The following EPB41 variants were observed in gnomAD, a reference collection of about 807,000 sequenced individuals.
The protein encoded by EPB41 is erythrocyte membrane protein band 4.1, also known as protein 4.1.
EPB41 carries 65 observed loss-of-function variants against 108.0 expected under a neutral mutation model. That is an observed-to-expected ratio of 0.60 (90% CI 0.49 to 0.74). The LOEUF (loss-of-function observed/expected upper bound fraction) is 0.74, where lower values mean the gene tolerates loss of function less well. EPB41 is among the 30% of genes least tolerant of loss of function. The pLI, the probability that EPB41 is intolerant of heterozygous loss-of-function variation, is 0.00. For synonymous variants in EPB41, 336 were observed against 358.9 expected (o/e 0.94, Z 0.72); for missense variants, 875 against 1,037.0 (o/e 0.84, Z 2.15).
At chr1:28,898,103 T>C (rs774964360) in intron 1 of EPB41, among the ~76,000 whole-genome samples, 2 of 152,090 alleles carry the variant, frequency 1.3e-5, no homozygotes, top group Admixed American at 6.5e-5. Flanking sequence ...ATGAGCACTG[T>C]CGTTGGTGTG....
chr1:29,115,559 G>C lies in EPB41; in HGVS notation c.2497-140G>C, dbSNP rs1235555417. ...GATAGGGTGGGTAAGGTAATTATCA[G>C]CTTGGCTTAGCCTAAAGCTGCCCTG... On this transcript the variant is annotated intron_variant, in intron 19 of 20. Transcript: ENST00000343067. The surrounding 1 kb of genome is among the most constrained non-coding windows in gnomAD (Gnocchi z 4.4). 4.2e-6 allele frequency: 3 copies of C among 721,458 alleles called. No individual in the cohort carries two copies. The highest frequency in any genetic ancestry group is 7.3e-6 in the Non-Finnish European group (3 of 410,128). The allele number at this position is 721,458 out of a possible 1,614,324, so 44.7% of individuals were successfully genotyped here.
intron 1 of EPB41, among the ~76,000 whole-genome samples, chr1:28,948,038 G>T (rs1328753775): frequency 6.6e-6 from 1 of 151,850 alleles, no homozygotes; most frequent in Admixed American, 6.6e-5. Flanking sequence ...CATACTTGTG[G>T]ACATTGTCTA....
At chr1:28,888,560 TCAGA>T (rs2089723442) in intron 1 of EPB41, among the ~76,000 whole-genome samples, 2 of 152,356 alleles carry the variant, frequency 1.3e-5, no homozygotes, top group South Asian at 4.1e-4. Context: ...CTCCGGGGTG[TCAGA>T]CAGACACTTC....
chr1:29,087,781 T>C (rs1168671270), intron 16 of EPB41, among the ~76,000 whole-genome samples: 2 of 152,190 alleles, frequency 1.3e-5, no homozygotes, highest in African/African-American at 4.8e-5. Context: ...TTTGCATAAA[T>C]AGTTTTTGAG....
At chr1:29,097,024 T>C (rs1312424571) in intron 16 of EPB41, 3 of 152,286 alleles carry the variant, frequency 2.0e-5, no homozygotes, top group African/African-American at 7.2e-5. Context: ...ATTTATGTAC[T>C]GCAGCCACAT....
chr1:29,079,974 C>T (rs1053759004), intron 16 of EPB41, among the ~76,000 whole-genome samples: 4 of 151,370 alleles, frequency 2.6e-5, no homozygotes, highest in Non-Finnish European at 5.9e-5. Context: ...CCAGCCTGGG[C>T]GACAAGAGCA....
intron 17 of EPB41, among the ~76,000 whole-genome samples, chr1:29,102,110 C>T (rs905551939): frequency 1.3e-5 from 2 of 152,172 alleles, no homozygotes; most frequent in Non-Finnish European, 2.9e-5. Flanking sequence ...ATTGTACACG[C>T]TATTAGCCAG....
At chr1:29,052,664 T>TA (rs1472314953) in intron 11 of EPB41, among the ~76,000 whole-genome samples, 3 of 152,236 alleles carry the variant, frequency 2.0e-5, no homozygotes, top group Non-Finnish European at 2.9e-5. Flanking sequence ...TCTTTTTTCT[T>TA]ACAATATATT....
intron 1 of EPB41, among the ~76,000 whole-genome samples, chr1:28,969,492 G>T (rs190115239): frequency 2.0e-5 from 3 of 152,052 alleles, no homozygotes; most frequent in Non-Finnish European, 2.9e-5. Flanking sequence ...TTAGCCGGGC[G>T]CAGTGGCTCA....
At chr1:28,925,370 T>C (rs1283208474) in intron 1 of EPB41, among the ~76,000 whole-genome samples, 3 of 152,116 alleles carry the variant, frequency 2.0e-5, no homozygotes, top group South Asian at 4.1e-4. Flanking sequence ...CTTGGCCTCC[T>C]AAAGTGTTGG....
At chr1:28,988,849 T>C (rs1055894046) in intron 2 of EPB41, among the ~76,000 whole-genome samples, 1 of 152,166 alleles carries the variant, frequency 6.6e-6, no homozygotes, top group African/African-American at 2.4e-5. Flanking sequence ...ACCATGCCTG[T>C]CCATTTACTG....
chr1:29,105,032 GT>G (rs374120040), intron 17 of EPB41, among the ~76,000 whole-genome samples: 2 of 151,802 alleles, frequency 1.3e-5, no homozygotes, highest in African/African-American at 4.8e-5. Context: ...AATTTGATTG[GT>G]TTTGACAAAT....
At chr1:28,900,882 A>T (rs1413803429) in intron 1 of EPB41, among the ~76,000 whole-genome samples, 1 of 151,984 alleles carries the variant, frequency 6.6e-6, no homozygotes, top group African/African-American at 2.4e-5. Flanking sequence ...ATCTCTTTAA[A>T]TTTTTTGTTT....
upstream of EPB41, among the ~76,000 whole-genome samples, chr1:28,911,541 C>G (rs2092257140): frequency 6.6e-6 from 1 of 152,198 alleles, no homozygotes; most frequent in Non-Finnish European, 1.5e-5. Context: ...GAATACTGGG[C>G]TTTCATGAAT....
At chr1:28,898,799 C>G (rs990750290) in intron 1 of EPB41, among the ~76,000 whole-genome samples, 8 of 152,254 alleles carry the variant, frequency 5.3e-5, no homozygotes, top group African/African-American at 1.9e-4. Context: ...CTCTCCCACC[C>G]CCTGCACTAG....
intron 7 of EPB41, among the ~76,000 whole-genome samples, chr1:29,029,465 C>A (rs538590504): frequency 9.3e-4 from 141 of 152,288 alleles, no homozygotes; most frequent in African/African-American, 3.3e-3. Context: ...AATGAAGAGA[C>A]CCCTGCAGCT....
intron 1 of EPB41, among the ~76,000 whole-genome samples, chr1:28,983,370 T>A (rs911055565): frequency 6.6e-6 from 1 of 152,252 alleles, no homozygotes; most frequent in African/African-American, 2.4e-5. Flanking sequence ...CATTTTGCAG[T>A]ACGTTCTCAA....
Position 29,115,680 on chromosome 1 carries a change from T to G in EPB41, c.2497-19T>G, listed in dbSNP as rs760213443. 10 of 1,609,574 alleles carry G rather than the reference T, an allele frequency of 6.2e-6. No homozygotes were observed. Among genetic ancestry groups the G allele is most frequent in the Non-Finnish European group, 8.5e-6 (10 of 1,176,164 alleles). On this transcript the variant is annotated intron_variant, in intron 19 of 20. Transcript: ENST00000343067. This position sits in a 1 kb window ranked among gnomAD's most constrained non-coding sequence, Gnocchi z 4.4. ...CAGGCTATTTTCTGCCTCATTGCCC[T>G]TGTTTCTGTCTTTTGTAGGTCCTTG...
intron 14 of EPB41, among the ~76,000 whole-genome samples, chr1:29,060,067 A>T (rs1044671355): frequency 4.6e-5 from 7 of 152,210 alleles, no homozygotes; most frequent in African/African-American, 1.4e-4. Context: ...TCACTCCATG[A>T]TACATGGAGT....
Sources: gnomAD v4.1 joint callset for allele counts (sites outside exome capture counted in the v4.1 genomes callset) on GRCh38, gnomAD v4.1.1 for gene constraint, Gnocchi (gnomAD v3.1) non-coding constraint, MANE v1.5 for transcripts, NCBI Gene and HGNC (gene_info 2026-07-23, HGNC 2026-07-21) for gene names.